Variants in GSE1 observed in about 807,000 individuals in gnomAD.
GSE1 encodes the protein genetic suppressor element 1.
Under a neutral mutation model 112.6 loss-of-function variants are expected in GSE1, and 32 were observed. The ratio of observed to expected loss-of-function variants is 0.28; its 90% CI spans 0.21 to 0.38. The LOEUF (loss-of-function observed/expected upper bound fraction) is 0.38. GSE1 is among the 10% of genes least tolerant of loss of function. GSE1 has a pLI of 1.00. For synonymous variants in GSE1, 1,115 were observed against 735.6 expected (o/e 1.52, Z -8.35); for missense variants, 2,348 against 1,699.2 (o/e 1.38, Z -6.71).
chr16:85,586,047 G>A (rs540217492), intron 1 of GSE1, among the ~76,000 whole-genome samples: 33 of 152,308 alleles, frequency 2.2e-4, no homozygotes, highest in Middle Eastern at 6.8e-3. Context: ...GGCTGGGAGG[G>A]AAGGGTCTGT....
At chr16:85,603,766 C>G (rs1010432108) in intron 1 of GSE1, among the ~76,000 whole-genome samples, 6 of 152,294 alleles carry the variant, frequency 3.9e-5, no homozygotes, top group African/African-American at 1.4e-4. Flanking sequence ...CTTGGCCTCC[C>G]AAAATGCTGA....
At chr16:85,634,412 C>T (rs1055294789) in intron 2 of GSE1, among the ~76,000 whole-genome samples, 2 of 152,310 alleles carry the variant, frequency 1.3e-5, no homozygotes, top group East Asian at 3.9e-4. Flanking sequence ...GTGCTCCTAC[C>T]AGCTCTGTGA....
At chr16:85,374,169 AGT>A (rs371393605) in intron 2 of GSE1, among the ~76,000 whole-genome samples, 3 of 148,670 alleles carry the variant, frequency 2.0e-5, no homozygotes, top group Admixed American at 2.0e-4. Flanking sequence ...CTCGGTGTGC[AGT>A]GTGTGTCAGT....
intron 1 of GSE1, among the ~76,000 whole-genome samples, chr16:85,219,457 T>C (rs1430405268): frequency 6.6e-6 from 1 of 152,200 alleles, no homozygotes. Context: ...GCTGCTGGCC[T>C]GGGGCTGGCC....
chr16:85,650,530 C>T (rs931077942), intron 3 of GSE1, among the ~76,000 whole-genome samples: 76 of 152,312 alleles, frequency 5.0e-4, no homozygotes, highest in Middle Eastern at 3.4e-3. Flanking sequence ...GCGCCTTTTC[C>T]GGCGACTCCT....
chr16:85,464,823 G>C (rs1276680610), intron 2 of GSE1, among the ~76,000 whole-genome samples: 1 of 152,204 alleles, frequency 6.6e-6, no homozygotes, highest in Non-Finnish European at 1.5e-5. Flanking sequence ...CGGCTGGAGA[G>C]GCCTGTGTTA....
At chr16:85,304,604 G>GGGGGGGGGA (rs2045619433) in intron 1 of GSE1, among the ~76,000 whole-genome samples, 1 of 135,116 alleles carries the variant, frequency 7.4e-6, no homozygotes, top group African/African-American at 2.7e-5. Context: ...CCGGGGGCGG[G>GGGGGGGGGA]GGGGTGGGGC....
At chr16:85,384,440 A>G (rs1339947076) in intron 2 of GSE1, among the ~76,000 whole-genome samples, 3 of 152,158 alleles carry the variant, frequency 2.0e-5, no homozygotes, top group African/African-American at 4.8e-5. Context: ...TTATTTCCAC[A>G]TCTATACATG....
intron 1 of GSE1, among the ~76,000 whole-genome samples, chr16:85,573,976 T>C (rs1460187259): frequency 1.3e-5 from 2 of 152,302 alleles, no homozygotes; most frequent in East Asian, 1.9e-4. Context: ...TGGCGCCGTC[T>C]CTTTGGCCAG....
intron 2 of GSE1, among the ~76,000 whole-genome samples, chr16:85,371,418 G>A (rs1364887742): frequency 4.6e-5 from 7 of 152,234 alleles, no homozygotes; most frequent in Non-Finnish European, 1.0e-4. Flanking sequence ...GTGAGGGTGT[G>A]CGTCCTGGCT....
At chr16:85,179,648 C>T (rs188166663) in intron 1 of GSE1, among the ~76,000 whole-genome samples, 1 of 152,272 alleles carries the variant, frequency 6.6e-6, no homozygotes, top group East Asian at 1.9e-4. Context: ...CTCCTTGAAG[C>T]CCTGTTTCAT....
intron 1 of GSE1, among the ~76,000 whole-genome samples, chr16:85,254,912 G>C (rs970081160): frequency 1.3e-5 from 2 of 152,180 alleles, no homozygotes; most frequent in Admixed American, 1.3e-4. Flanking sequence ...AGGGGCATCC[G>C]GCCTGCTCTG....
intron 2 of GSE1, among the ~76,000 whole-genome samples, chr16:85,528,548 C>T (rs1328090412): frequency 6.6e-6 from 1 of 151,480 alleles, no homozygotes; most frequent in Non-Finnish European, 1.5e-5. Context: ...GGTCTCAAAA[C>T]TCTGGCTTTA....
chr16:85,556,075 C>A, exon 1 of GSE1: 1 of 984,672 alleles, frequency 1.0e-6, no homozygotes, highest in Non-Finnish European at 1.2e-6. Flanking sequence ...GTGGATCTGC[C>A]AGGGCCAAGG....
intron 1 of GSE1, among the ~76,000 whole-genome samples, chr16:85,621,083 T>G (rs2048707241): frequency 6.6e-6 from 1 of 151,954 alleles, no homozygotes. Context: ...GCCCTGGATC[T>G]CTGCACTGTT....
At chr16:85,662,113 G>A (rs1283156966) in intron 9 of GSE1, among the ~76,000 whole-genome samples, 1 of 152,194 alleles carries the variant, frequency 6.6e-6, no homozygotes. Context: ...CAGGAGAGCC[G>A]GCCTGGGCTC....
intron 2 of GSE1, among the ~76,000 whole-genome samples, chr16:85,485,683 A>T (rs1398800023): frequency 6.6e-6 from 1 of 152,190 alleles, no homozygotes; most frequent in Non-Finnish European, 1.5e-5. Flanking sequence ...GTCACTCGCG[A>T]GGTGGGCGCC....
At position 85,665,067 on chromosome 16, in the gene GSE1, A is replaced by G; in HGVS notation, c.2697A>G (p.Ser899=). The G allele has an allele frequency of 6.2e-7, 1 of 1,613,200 alleles. No homozygotes were observed. Residue 899 remains serine, a synonymous_variant, in exon 12 of 16, where the codon TCA becomes TCG. Transcript: ENST00000253458. ...MLRAMKQKAL[S]AAVADSLTNS... ...GTGCCATGAAGCAGAAGGCACTGTC[A>G]GCAGCAGTGGCCGACTCCTTGACAA...
intron 1 of GSE1, among the ~76,000 whole-genome samples, chr16:85,208,602 A>C (rs953509704): frequency 1.3e-5 from 2 of 152,018 alleles, no homozygotes; most frequent in Non-Finnish European, 2.9e-5. Flanking sequence ...GAAGGACCAG[A>C]TTGTAGATAC....
Sources: allele counts gnomAD v4.1 joint callset (sites outside exome capture counted in the v4.1 genomes callset), GRCh38; gene constraint gnomAD v4.1.1; transcripts MANE v1.5; gene names NCBI Gene and HGNC (gene_info 2026-07-23, HGNC 2026-07-21).